Variants in CASP8 observed in about 807,000 individuals in gnomAD.
CASP8 encodes the protein caspase-8.
Under a neutral mutation model 46.3 loss-of-function variants are expected in CASP8, and 24 were observed. That is an observed-to-expected ratio of 0.52 (90% CI 0.38 to 0.73). The LOEUF (loss-of-function observed/expected upper bound fraction) is 0.73, where lower values mean the gene tolerates loss of function less well. Among genes scored for constraint, CASP8 ranks in the 30% least tolerant of loss-of-function variants. The pLI, the probability that CASP8 is intolerant of heterozygous loss-of-function variation, is 0.00. For synonymous variants in CASP8, 188 were observed against 200.4 expected, an observed-to-expected ratio of 0.94 and a Z score of 0.52; for missense variants, 460 against 559.0, an observed-to-expected ratio of 0.82 and a Z score of 1.79.
intron 2 of CASP8, among the ~76,000 whole-genome samples, chr2:201,239,231 G>A (rs968468650): frequency 9.9e-5 from 15 of 152,176 alleles, no homozygotes; most frequent in East Asian, 1.9e-4. Context: ...CCCCCTTTCT[G>A]TTCCACAAAA....
intron 2 of CASP8, among the ~76,000 whole-genome samples, chr2:201,246,134 G>T (rs544454183): frequency 6.6e-6 from 1 of 152,196 alleles, no homozygotes; most frequent in African/African-American, 2.4e-5. Flanking sequence ...AAAGTGCTGG[G>T]ATTACAGGCG....
intron 2 of CASP8, among the ~76,000 whole-genome samples, chr2:201,243,745 A>G (rs1029264196): frequency 2.0e-5 from 3 of 152,190 alleles, no homozygotes; most frequent in Non-Finnish European, 2.9e-5. Flanking sequence ...CCAATTTAAC[A>G]AGTTAGGTGA....
intron 2 of CASP8, among the ~76,000 whole-genome samples, chr2:201,271,263 T>C (rs1948227673): frequency 6.6e-6 from 1 of 152,142 alleles, no homozygotes; most frequent in African/African-American, 2.4e-5. Context: ...AAACAAGATT[T>C]ACTCAACTGA....
chr2:201,283,347 C>T (rs1425587127), intron 7 of CASP8, among the ~76,000 whole-genome samples: 2 of 70,214 alleles, frequency 2.8e-5, no homozygotes, highest in Non-Finnish European at 6.5e-5. Context: ...GGCGGCCGGG[C>T]AGAGGCGCCC....
At chr2:201,241,143 G>C (rs1168083273) in intron 2 of CASP8, 2 of 151,784 alleles carry the variant, frequency 1.3e-5, no homozygotes, top group Non-Finnish European at 2.9e-5. Context: ...AGAAGATGAA[G>C]AAGAAGAGGA....
chr2:201,277,555 T>C (rs1239022878), intron 7 of CASP8, among the ~76,000 whole-genome samples: 3 of 152,244 alleles, frequency 2.0e-5, no homozygotes, highest in Non-Finnish European at 2.9e-5. Flanking sequence ...GAGAGATTAA[T>C]AATTTTGATT....
chr2:201,282,576 C>T (rs1451075087), intron 7 of CASP8, among the ~76,000 whole-genome samples: 2 of 104,196 alleles, frequency 1.9e-5, no homozygotes, highest in Admixed American at 8.4e-5. Context: ...CTGACCCCCC[C>T]ACCGCCCTCC....
At chr2:201,255,153 G>A (rs867163853) in intron 2 of CASP8, among the ~76,000 whole-genome samples, 8 of 151,970 alleles carry the variant, frequency 5.3e-5, no homozygotes, top group South Asian at 2.1e-4. Context: ...GTGTCATCTC[G>A]GCTCACTGCA....
intron 2 of CASP8, among the ~76,000 whole-genome samples, chr2:201,238,442 CTT>C (rs1946148926): frequency 6.7e-6 from 1 of 150,138 alleles, no homozygotes. Flanking sequence ...TTTCTTTTTT[CTT>C]TCTTTTTTTT....
upstream of CASP8, among the ~76,000 whole-genome samples, chr2:201,256,601 G>C (rs1947029850): frequency 6.6e-6 from 1 of 152,202 alleles, no homozygotes; most frequent in Non-Finnish European, 1.5e-5. Context: ...AAGTGTTGGA[G>C]AAAGGGAGTT....
At position 201,285,227 on chromosome 2, in the gene CASP8, C is replaced by T. The variant is rs758753163; in HGVS notation, c.1214C>T (p.Thr405Ile). ...GCTGACTTTCTGCTGGGGATGGCCA[C>T]TGTGAATAACTGTGTTTCCTACCGA... Reference protein sequence around the residue: ...DEADFLLGMATVNNCVSYRNP... With the variant: ...DEADFLLGMAIVNNCVSYRNP... The change falls in exon 8 of 9, where the codon ACT becomes ATT. Residue 405 changes from threonine to isoleucine, a missense_variant. Physicochemically the swap from Thr to Ile is moderately conservative, Grantham distance 89. Coordinates refer to ENST00000673742, the MANE Select transcript of CASP8 (RefSeq NM_001372051.1). 1 of 1,614,182 alleles carries T rather than the reference C, an allele frequency of 6.2e-7. No homozygotes were observed. Among genetic ancestry groups the T allele is most frequent in the South Asian group, 1.1e-5 (1 of 91,080 alleles).
intron 1 of CASP8, among the ~76,000 whole-genome samples, chr2:201,264,254 T>C (rs1386851492): frequency 6.6e-6 from 1 of 152,218 alleles, no homozygotes; most frequent in Non-Finnish European, 1.5e-5. Flanking sequence ...TGAATAGCCT[T>C]ATATATGGTT....
At chr2:201,244,956 C>A (rs1009623570) in intron 2 of CASP8, among the ~76,000 whole-genome samples, 2 of 152,176 alleles carry the variant, frequency 1.3e-5, no homozygotes, top group Non-Finnish European at 2.9e-5. Context: ...CCAGACTGTT[C>A]CCCTGAGATG....
chr2:201,271,157 C>A (rs1948219320), intron 2 of CASP8, among the ~76,000 whole-genome samples: 1 of 151,756 alleles, frequency 6.6e-6, no homozygotes, highest in Admixed American at 6.6e-5. Context: ...TTAGGGAAGT[C>A]ATGAGCCAAT....
intron 2 of CASP8, among the ~76,000 whole-genome samples, chr2:201,234,516 C>T (rs1042449687): frequency 6.6e-6 from 1 of 151,896 alleles, no homozygotes; most frequent in African/African-American, 2.4e-5. Context: ...GTGGCGCGAT[C>T]TCAGCTCACT....
At chr2:201,280,697 T>C (rs1427929401) in intron 7 of CASP8, among the ~76,000 whole-genome samples, 1 of 152,204 alleles carries the variant, frequency 6.6e-6, no homozygotes, top group South Asian at 2.1e-4. Context: ...GAACCTACTA[T>C]GGAAGAGACA....
upstream of CASP8, among the ~76,000 whole-genome samples, chr2:201,256,436 C>T (rs1528190): frequency 4.3e-3 from 652 of 152,316 alleles, 3 homozygotes; most frequent in Non-Finnish European, 7.6e-3. Flanking sequence ...GTCTGGCATA[C>T]GCCAATGGTT....
chr2:201,285,599 T>G (rs1949521479), intron 8 of CASP8, among the ~76,000 whole-genome samples: 1 of 152,216 alleles, frequency 6.6e-6, no homozygotes, highest in South Asian at 2.1e-4. Flanking sequence ...CTTTATTCCT[T>G]TATTCAGCAC....
intron 2 of CASP8, among the ~76,000 whole-genome samples, chr2:201,236,222 T>C (rs1046997740): frequency 6.6e-6 from 1 of 152,254 alleles, no homozygotes; most frequent in Non-Finnish European, 1.5e-5. Flanking sequence ...CATTTAGTTC[T>C]GTAAATTTTC....
Sources: gnomAD v4.1 joint callset for allele counts (sites outside exome capture counted in the v4.1 genomes callset) on GRCh38, gnomAD v4.1.1 for gene constraint, MANE v1.5 for transcripts, NCBI Gene and HGNC (gene_info 2026-07-23, HGNC 2026-07-21) for gene names.